MME: variants seen among roughly 807,000 people sequenced by gnomAD.
MME encodes the protein neprilysin.
MME carries 98 observed loss-of-function variants against 113.2 expected under a neutral mutation model. The observed-to-expected ratio is 0.87, with a 90% CI of 0.74 to 1.02. The LOEUF is 1.02. Among genes scored for constraint, MME ranks in the 50% least tolerant of loss-of-function variants. The pLI, the probability that MME is intolerant of heterozygous loss-of-function variation, is 0.00. For synonymous variants in MME, 292 were observed against 300.6 expected (o/e 0.97, Z 0.30); for missense variants, 836 against 896.0 (o/e 0.93, Z 0.86).
intron 1 of MME, chr3:155,024,407 A>G (rs139877164): frequency 2.0e-5 from 3 of 152,348 alleles, no homozygotes; most frequent in African/African-American, 7.2e-5. Context: ...CTACACTGAT[A>G]TAATTTATGC....
intron 1 of MME, among the ~76,000 whole-genome samples, chr3:155,057,158 C>T (rs1713960702): frequency 6.6e-6 from 1 of 152,052 alleles, no homozygotes; most frequent in South Asian, 2.1e-4. Context: ...AGTGAACAAG[C>T]AACCTACAAA....
chr3:155,130,931 A>G (rs1036209131), intron 8 of MME, among the ~76,000 whole-genome samples: 1 of 152,220 alleles, frequency 6.6e-6, no homozygotes, highest in Non-Finnish European at 1.5e-5. Context: ...AGACATTCCA[A>G]GGAAACAAGG....
intron 8 of MME, among the ~76,000 whole-genome samples, chr3:155,130,441 A>G (rs536913394): frequency 1.1e-3 from 168 of 152,330 alleles, no homozygotes; most frequent in Middle Eastern, 6.8e-3. Context: ...TACAGGGTAT[A>G]CTGCTGCAGG....
chr3:155,079,099 T>A (rs1714890638), upstream of MME, among the ~76,000 whole-genome samples: 1 of 151,734 alleles, frequency 6.6e-6, no homozygotes, highest in African/African-American at 2.4e-5. Context: ...GATCTTGACA[T>A]GAGAGTACTT....
intron 3 of MME, among the ~76,000 whole-genome samples, chr3:155,088,513 A>T (rs370151263): frequency 1.3e-5 from 2 of 151,988 alleles, no homozygotes; most frequent in African/African-American, 4.8e-5. Context: ...GAGAAAACCC[A>T]TCTCTACTAA....
chr3:155,027,333 T>C (rs1410293631), intron 1 of MME, among the ~76,000 whole-genome samples: 1 of 152,218 alleles, frequency 6.6e-6, no homozygotes, highest in African/African-American at 2.4e-5. Flanking sequence ...AAAATGCAGA[T>C]CTGATCTTAC....
intron 22 of MME, among the ~76,000 whole-genome samples, chr3:155,176,270 T>C (rs1336974743): frequency 6.6e-6 from 1 of 152,192 alleles, no homozygotes; most frequent in Non-Finnish European, 1.5e-5. Context: ...ATGTTTTTAA[T>C]GCAAGTAACT....
chr3:155,073,240 G>A (rs1714639256), intron 1 of MME, among the ~76,000 whole-genome samples: 1 of 151,900 alleles, frequency 6.6e-6, no homozygotes, highest in South Asian at 2.1e-4. Flanking sequence ...CCATTTCCGA[G>A]CCTACAAGTT....
chr3:155,121,253 TG>T (rs1719100855), intron 8 of MME, among the ~76,000 whole-genome samples: 1 of 133,908 alleles, frequency 7.5e-6, no homozygotes, highest in South Asian at 2.8e-4. Flanking sequence ...TTGTGATTTT[TG>T]TACATTGATT....
At chr3:155,141,060 C>T (rs1477555117) in intron 10 of MME, among the ~76,000 whole-genome samples, 5 of 152,088 alleles carry the variant, frequency 3.3e-5, no homozygotes, top group African/African-American at 1.2e-4. Context: ...TGCATTTATT[C>T]TCGTGTATTA....
At chr3:155,161,561 C>T (rs1722727215) in intron 17 of MME, among the ~76,000 whole-genome samples, 2 of 151,682 alleles carry the variant, frequency 1.3e-5, no homozygotes, top group Non-Finnish European at 2.9e-5. Context: ...TTGATTATAC[C>T]TTTCCCCGTT....
chr3:155,119,590 C>T, intron 8 of MME, among the ~76,000 whole-genome samples: 1 of 129,240 alleles, frequency 7.7e-6, no homozygotes, highest in Non-Finnish European at 1.6e-5. Context: ...ACCACAGTCC[C>T]CAGAGTGTGA....
Position 155,143,550 on chromosome 3 carries a change from T to A in MME, c.1296T>A (p.Phe432Leu). ...AVGRLYVEAA[F>L]AGESKHVVED... The stretch of plus-strand genomic sequence containing the variant: ...GGAGGCTTTATGTGGAAGCAGCATT[T>A]GCTGGAGAGAGTAAACATGTGGTAA... Residue 432 changes from phenylalanine to leucine, a missense_variant, in exon 13 of 23, where the codon TTT becomes TTA. Coordinates refer to ENST00000360490, the MANE Select transcript of MME (RefSeq NM_007289.4). The A allele has an allele frequency of 6.2e-7, 1 of 1,612,614 alleles. No homozygotes were observed. Among genetic ancestry groups the A allele is most frequent in the East Asian group, 2.2e-5 (1 of 44,816 alleles).
chr3:155,138,161 A>C lies in MME; in HGVS notation c.780A>C (p.Glu260Asp). The change falls in exon 9 of 23, where the codon GAA becomes GAC. Residue 260 changes from glutamate (E) to aspartate (D), a missense_variant. Coordinates refer to ENST00000360490, the MANE Select transcript of MME (RefSeq NM_007289.4). ...TGGCCAGATTGATTCGTCAGGAAGA[A>C]AGATTGCCCATCGATGAAAACCAGC... ...ISVARLIRQEERLPIDENQLA... is the reference protein window; with the variant it reads ...ISVARLIRQEDRLPIDENQLA... 6.2e-7 allele frequency: 1 copy of C among 1,613,768 alleles called. No homozygotes were observed. The highest frequency in any genetic ancestry group is 8.5e-7 in the Non-Finnish European group (1 of 1,179,756).
At chr3:155,044,415 G>C (rs1183756766) in intron 1 of MME, among the ~76,000 whole-genome samples, 1 of 152,020 alleles carries the variant, frequency 6.6e-6, no homozygotes. Context: ...GATTACAGGT[G>C]TGAGCCACCA....
chr3:155,032,765 A>G (rs1016680720), intron 1 of MME, among the ~76,000 whole-genome samples: 11 of 152,228 alleles, frequency 7.2e-5, no homozygotes, highest in African/African-American at 2.2e-4. Flanking sequence ...TAGTTTAAAG[A>G]GAGTTTATTC....
At chr3:155,168,682 A>G in intron 19 of MME, 50 bp from the exon 20 acceptor site, 3 of 1,612,328 alleles carry the variant, frequency 1.9e-6, no homozygotes, top group Non-Finnish European at 2.5e-6. Flanking sequence ...TAAGTGTATT[A>G]TTGGTGGTTT....
chr3:155,139,501 T>C (rs1720888712), intron 9 of MME, among the ~76,000 whole-genome samples: 1 of 152,208 alleles, frequency 6.6e-6, no homozygotes, highest in Non-Finnish European at 1.5e-5. Context: ...ATTTTAAACC[T>C]TTACCTTTTG....
chr3:155,025,764 CT>C (rs1288712718), intron 1 of MME, among the ~76,000 whole-genome samples: 1 of 136,162 alleles, frequency 7.3e-6, no homozygotes, highest in Admixed American at 7.6e-5. Flanking sequence ...ACGATCTCGG[CT>C]CACTGCAACC....
Sources: allele counts gnomAD v4.1 joint callset (sites outside exome capture counted in the v4.1 genomes callset), GRCh38; gene constraint gnomAD v4.1.1; transcripts MANE v1.5; gene names NCBI Gene and HGNC (gene_info 2026-07-23, HGNC 2026-07-21).